ANKK1: variants seen among roughly 807,000 people sequenced by gnomAD.
ANKK1 encodes ankyrin repeat and kinase domain containing 1.
In ANKK1, 37 loss-of-function variants were observed where a neutral mutation model predicts 37.6. The observed-to-expected ratio is 0.98, with a 90% CI of 0.76 to 1.29. The LOEUF (loss-of-function observed/expected upper bound fraction) is 1.29, where lower values mean the gene tolerates loss of function less well. ANKK1 is among the 50% of genes most tolerant of loss of function. The pLI is 0.00. For synonymous variants in ANKK1, 415 were observed against 418.7 expected, an observed-to-expected ratio of 0.99 and a Z score of 0.11; for missense variants, 1,019 against 990.6, an observed-to-expected ratio of 1.03 and a Z score of -0.39.
intron 1 of ANKK1, among the ~76,000 whole-genome samples, chr11:113,392,629 G>C (rs1950596786): frequency 6.6e-6 from 1 of 152,176 alleles, no homozygotes; most frequent in Non-Finnish European, 1.5e-5. Flanking sequence ...CATATTTACT[G>C]TTCTGTGGGC....
At chr11:113,393,922 T>C (rs4938015) in intron 2 of ANKK1, 147 bp downstream of exon 2, 623,962 of 996,402 alleles carry the variant, frequency 0.63, 198,945 homozygotes, top group Non-Finnish European at 0.65. Flanking sequence ...CACACTGCAA[T>C]AGAGATGGCT....
At chr11:113,389,351 C>T (rs1160451153) in intron 1 of ANKK1, among the ~76,000 whole-genome samples, 1 of 152,128 alleles carries the variant, frequency 6.6e-6, no homozygotes, top group African/African-American at 2.4e-5. Context: ...AGGAGCTTTA[C>T]GTGCATTACT....
chr11:113,395,345 C>G lies in ANKK1; in HGVS notation c.633-14C>G. The G allele has an allele frequency of 6.2e-7, 1 of 1,613,868 alleles. No homozygotes were observed. The highest frequency in any genetic ancestry group is 8.5e-7 in the Non-Finnish European group (1 of 1,179,832). On this transcript the variant is annotated splice_polypyrimidine_tract_variant and intron_variant, in intron 3 of 7. Coordinates refer to ENST00000303941, the MANE Select transcript of ANKK1 (RefSeq NM_178510.2). ...TCAACTAAGTCATTCAGAAAGGGTTCTCTGCATCCACAGCTTTGCAATTGT... is the reference window on the plus strand; with the variant it reads ...TCAACTAAGTCATTCAGAAAGGGTTGTCTGCATCCACAGCTTTGCAATTGT...
intron 3 of ANKK1, 81 bp from the exon 4 acceptor site, chr11:113,395,278 C>A: frequency 6.4e-7 from 1 of 1,563,826 alleles, no homozygotes; most frequent in Non-Finnish European, 8.8e-7. Context: ...TGAACTGTAG[C>A]CCCCCGACCC....
chr11:113,397,058 G>C (rs1235816083), intron 5 of ANKK1, among the ~76,000 whole-genome samples, 166 bp from the exon 6 acceptor site: 1 of 152,204 alleles, frequency 6.6e-6, no homozygotes, highest in Non-Finnish European at 1.5e-5. Context: ...TGCTGAAGGT[G>C]CCCCACCATG....
chr11:113,399,142 G>C lies in ANKK1; in HGVS notation c.1173G>C (p.Gln391His). The C allele has an allele frequency of 3.1e-6, 5 of 1,595,108 alleles. No homozygotes were observed. Among genetic ancestry groups the C allele is most frequent in the Non-Finnish European group, 4.3e-6 (5 of 1,171,094 alleles). Residue 391 changes from glutamine to histidine, a missense_variant, in exon 8 of 8, where the codon CAG (glutamine) becomes CAC (histidine). Transcript: ENST00000303941. ...LLAHEVDVDCQTASGYTPLLI... is the reference protein window; with the variant it reads ...LLAHEVDVDCHTASGYTPLLI... The stretch of plus-strand genomic sequence containing the variant: ...CCCACGAGGTAGACGTGGACTGCCA[G>C]ACGGCCTCTGGATACACGCCCCTCC...
At position 113,399,688 on chromosome 11, in the gene ANKK1, C is replaced by T. The variant is rs751399807; in HGVS notation, c.1719C>T (p.Tyr573=). Residue 573 remains tyrosine (Y), a synonymous_variant, in exon 8 of 8, where the codon TAC becomes TAT. Transcript: ENST00000303941. ...PLHTAAARGK[Y]LICKMLLRYG... ...ACACTGCAGCTGCCAGGGGCAAATA[C>T]CTGATCTGCAAGATGCTGCTCAGGT... 6.3e-7 allele frequency: 1 copy of T among 1,597,938 alleles called. No individual in the cohort carries two copies. The highest frequency in any genetic ancestry group is 8.5e-7 in the Non-Finnish European group (1 of 1,172,448).
chr11:113,393,630 C>T lies in ANKK1; in HGVS notation c.335C>T (p.Thr112Ile). The change falls in exon 2 of 8, where the codon ACC (threonine) becomes ATC (isoleucine). Residue 112 changes from threonine to isoleucine, a missense_variant. Transcript: ENST00000303941. ...GGCTCCCTGGAGAAGGTGCTGTCCA[C>T]CCACAGCCTCTGCTGGAAGCTCAGG... ...ANGSLEKVLS[T>I]HSLCWKLRFR... The T allele has an allele frequency of 1.2e-6, 2 of 1,613,934 alleles. No homozygotes were observed. The highest frequency in any genetic ancestry group is 1.3e-5 in the African/African-American group (1 of 75,034).
At chr11:113,396,347 T>A (rs1460244786) in intron 5 of ANKK1, 125 bp downstream of exon 5, 20 of 1,214,568 alleles carry the variant, frequency 1.6e-5, no homozygotes, top group Non-Finnish European at 2.1e-5. Context: ...AAGGACTTTT[T>A]TTTTTTTTTT....
At chr11:113,388,475 G>T (rs377443317) in intron 1 of ANKK1, among the ~76,000 whole-genome samples, 139 of 152,252 alleles carry the variant, frequency 9.1e-4, no homozygotes, top group African/African-American at 3.0e-3. Context: ...TCAGGGCAGG[G>T]CTGAGCATCC....
chr11:113,391,595 A>T (rs900764165), intron 1 of ANKK1, among the ~76,000 whole-genome samples: 2 of 152,136 alleles, frequency 1.3e-5, no homozygotes, highest in East Asian at 1.9e-4. Flanking sequence ...AGAGGAAGAA[A>T]GGAGTCGAAG....
In ANKK1 at chr11:113,399,514, C is replaced by A. The variant is rs372776088; in HGVS notation, c.1545C>A (p.Ser515Arg). The A allele has an allele frequency of 6.3e-7, 1 of 1,594,518 alleles. No individual in the cohort carries two copies. The highest frequency in any genetic ancestry group is 8.5e-7 in the Non-Finnish European group (1 of 1,170,970). ...GHVSLVKLLT[S>R]QGAELDAQQR... ...TTAGCCTGGTCAAGCTGCTGACCAG[C>A]CAGGGGGCTGAGTTGGATGCTCAGC... Residue 515 changes from serine (S) to arginine (R), a missense_variant, in exon 8 of 8, where the codon AGC becomes AGA. Transcript: ENST00000303941.
chr11:113,393,308 G>A (rs1354824210), intron 1 of ANKK1, among the ~76,000 whole-genome samples, 173 bp from the exon 2 acceptor site: 1 of 152,110 alleles, frequency 6.6e-6, no homozygotes, highest in East Asian at 1.9e-4. Context: ...TGAAATCTAA[G>A]CGGCCTGCTA....
rs766264073 is a variant in ANKK1, at chr11:113,397,347, G to A, written c.957+5G>A. On this transcript the variant is annotated splice_donor_5th_base_variant and intron_variant, in intron 6 of 7. Coordinates refer to ENST00000303941, the MANE Select transcript of ANKK1 (RefSeq NM_178510.2). ...TCGCTGCGCCAGCCCGGGGAGGTGAGTGTGTGGGCTGGGCAGTCCTTATGG... is the reference window on the plus strand; with the variant it reads ...TCGCTGCGCCAGCCCGGGGAGGTGAATGTGTGGGCTGGGCAGTCCTTATGG... 2.5e-6 allele frequency: 4 copies of A among 1,609,194 alleles called. No homozygotes were observed. In the African/African-American group the frequency reaches 4.0e-5, roughly 16 times the overall value.
At chr11:113,394,171 C>T (rs898908424) in intron 2 of ANKK1, among the ~76,000 whole-genome samples, 4 of 152,124 alleles carry the variant, frequency 2.6e-5, no homozygotes, top group Non-Finnish European at 5.9e-5. Context: ...TCCCCACTCC[C>T]CTCTATTTAC....
At position 113,399,881 on chromosome 11, in the gene ANKK1, G is replaced by C. The variant is rs765409298; in HGVS notation, c.1912G>C (p.Glu638Gln). The C allele has an allele frequency of 3.1e-6, 5 of 1,613,304 alleles. No homozygotes were observed. The highest frequency in any genetic ancestry group is 3.4e-6 in the Non-Finnish European group (4 of 1,179,804). Reference sequence around the variant, plus strand: ...CCTGCACCTAGCTGCACGCCACGGGGAGGAGGCGGTGGTGTCAGCACTGCT... The same window carrying C: ...CCTGCACCTAGCTGCACGCCACGGGCAGGAGGCGGTGGTGTCAGCACTGCT... ...TPLHLAARHG[E>Q]EAVVSALLQC... is the part of the protein sequence containing the mutation. Residue 638 changes from glutamate to glutamine, a missense_variant, in exon 8 of 8, where the codon GAG becomes CAG. Physicochemically the swap from Glu to Gln is conservative, Grantham distance 29 (BLOSUM62 2). Coordinates refer to ENST00000303941, the MANE Select transcript of ANKK1 (RefSeq NM_178510.2).
intron 2 of ANKK1, chr11:113,394,661 A>C (rs1236426846): frequency 1.7e-6 from 1 of 599,474 alleles, no homozygotes; most frequent in Non-Finnish European, 3.1e-6. Flanking sequence ...TGCTTTTTGC[A>C]TGGCACCTCA....
At position 113,398,023 on chromosome 11, in the gene ANKK1, C is replaced by T. The variant is rs772886559; in HGVS notation, c.994+7C>T. The T allele has an allele frequency of 1.9e-5, 29 of 1,565,314 alleles. No homozygotes were observed. The South Asian group carries it at 3.3e-4, about 18-fold the overall frequency. Reference sequence around the variant, plus strand: ...CAGGAACTGATGGACAGTGGTGAGTCTGGGTGCCACGGGCGGGACCAGAGA... The same window carrying T: ...CAGGAACTGATGGACAGTGGTGAGTTTGGGTGCCACGGGCGGGACCAGAGA... On this transcript the variant is annotated splice_region_variant and intron_variant, in intron 7 of 7. Coordinates refer to ENST00000303941, the MANE Select transcript of ANKK1 (RefSeq NM_178510.2).
In ANKK1 at chr11:113,399,080, G is replaced by A. The variant is rs1293881252; in HGVS notation, c.1111G>A (p.Ala371Thr). 2 of 1,598,972 alleles carry A rather than the reference G, an allele frequency of 1.3e-6. No homozygotes were observed. Among genetic ancestry groups the A allele is most frequent in the Non-Finnish European group, 1.7e-6 (2 of 1,172,826 alleles). Residue 371 changes from alanine (A) to threonine (T), a missense_variant, in exon 8 of 8, where the codon GCC becomes ACC. By Grantham distance (58) the Ala-to-Thr change is moderately conservative. Transcript: ENST00000303941. ...GGTCACCCCCCTCCACTTCCTGGTGGCCCAGGGCAGTGTGGAGCAGGTGAG... is the reference window on the plus strand; with the variant it reads ...GGTCACCCCCCTCCACTTCCTGGTGACCCAGGGCAGTGTGGAGCAGGTGAG... ...NKVTPLHFLV[A>T]QGSVEQVRLL...
Sources: gnomAD v4.1 joint callset for allele counts (sites outside exome capture counted in the v4.1 genomes callset) on GRCh38, gnomAD v4.1.1 for gene constraint, MANE v1.5 for transcripts, NCBI Gene and HGNC (gene_info 2026-07-23, HGNC 2026-07-21) for gene names.